Variants in CERS3 observed in about 807,000 individuals in gnomAD.
CERS3 encodes LAG1 homolog, ceramide synthase 3.
Under a neutral mutation model 50.3 loss-of-function variants are expected in CERS3, and 33 were observed. The observed-to-expected ratio is 0.66, with a 90% confidence interval of 0.50 to 0.88. The LOEUF (loss-of-function observed/expected upper bound fraction) is 0.88, where lower values mean the gene tolerates loss of function less well. CERS3 is among the 40% of genes least tolerant of loss of function. The pLI, the probability that CERS3 is intolerant of heterozygous loss-of-function variation, is 0.00. For missense variants in CERS3, 470 were observed against 460.3 expected, an observed-to-expected ratio of 1.02 and a Z score of -0.19; for synonymous variants, 176 against 155.2, an observed-to-expected ratio of 1.13 and a Z score of -0.99.
At chr15:100,471,115 C>G (rs888182047) in intron 9 of CERS3, among the ~76,000 whole-genome samples, 1 of 152,180 alleles carries the variant, frequency 6.6e-6, no homozygotes, top group Non-Finnish European at 1.5e-5. Flanking sequence ...CTCATCGAAC[C>G]TCACATCAGA....
intron 3 of CERS3, among the ~76,000 whole-genome samples, chr15:100,495,966 A>C (rs964848326): frequency 5.3e-5 from 8 of 152,032 alleles, no homozygotes; most frequent in Non-Finnish European, 8.8e-5. Flanking sequence ...CCACTCATCT[A>C]TTTTCTGTTT....
chr15:100,451,953 G>T (rs1395054534), intron 11 of CERS3, among the ~76,000 whole-genome samples: 3 of 152,130 alleles, frequency 2.0e-5, no homozygotes, highest in Non-Finnish European at 4.4e-5. Flanking sequence ...TATATGTGTA[G>T]CCAACAATAG....
At chr15:100,507,777 A>G (rs1254578489) in intron 2 of CERS3, among the ~76,000 whole-genome samples, 2 of 152,240 alleles carry the variant, frequency 1.3e-5, no homozygotes, top group African/African-American at 2.4e-5. Flanking sequence ...TTGGGATTGA[A>G]TCTGGAGCAG....
intron 11 of CERS3, among the ~76,000 whole-genome samples, chr15:100,442,931 G>C (rs973038007): frequency 0.016 from 2,285 of 141,078 alleles, no homozygotes; most frequent in African/African-American, 0.068. Context: ...CATAACTGTT[G>C]TGGGTATTGA....
intron 3 of CERS3, among the ~76,000 whole-genome samples, chr15:100,493,073 A>C (rs80192688): frequency 1.4e-4 from 21 of 152,310 alleles, no homozygotes; most frequent in Non-Finnish European, 2.8e-4. Flanking sequence ...ATTGCCTTTT[A>C]AATCAGATAG....
chr15:100,429,599 T>C (rs2033009183), intron 11 of CERS3, among the ~76,000 whole-genome samples: 1 of 152,172 alleles, frequency 6.6e-6, no homozygotes, highest in Non-Finnish European at 1.5e-5. Flanking sequence ...TCTACCCCTT[T>C]GTACCAGGCA....
chr15:100,523,287 GTCTCC>G (rs1346759122), intron 1 of CERS3, among the ~76,000 whole-genome samples: 1 of 152,160 alleles, frequency 6.6e-6, no homozygotes, highest in East Asian at 1.9e-4. Context: ...CATGGCAAAT[GTCTCC>G]TCTCCTGCAG....
intron 11 of CERS3, among the ~76,000 whole-genome samples, chr15:100,407,689 T>C (rs1445815144): frequency 6.6e-6 from 1 of 152,192 alleles, no homozygotes; most frequent in African/African-American, 2.4e-5. Flanking sequence ...AATGGTTGTA[T>C]CAGTACTGGA....
intron 3 of CERS3, 77 bp downstream of exon 3, chr15:100,501,600 A>C (rs1180043339): frequency 3.1e-6 from 4 of 1,270,602 alleles, no homozygotes; most frequent in Non-Finnish European, 4.5e-6. Context: ...TAAGGATCTC[A>C]CTAAGCCTAA....
chr15:100,406,817 C>A (rs146617428), intron 11 of CERS3, among the ~76,000 whole-genome samples: 1 of 152,108 alleles, frequency 6.6e-6, no homozygotes, highest in Admixed American at 6.5e-5. Flanking sequence ...AAGACATACC[C>A]GAGACTGGGA....
At chr15:100,446,922 C>T (rs1023315417) in intron 11 of CERS3, among the ~76,000 whole-genome samples, 2 of 152,162 alleles carry the variant, frequency 1.3e-5, no homozygotes, top group African/African-American at 2.4e-5. Context: ...TTAAGACTGA[C>T]TTTTGTAGCA....
Position 100,501,740 on chromosome 15 carries a change from G to C in CERS3, c.110C>G (p.Ser37Cys). The change falls in exon 3 of 12, where the codon TCT (serine) becomes TGT (cysteine). Residue 37 changes from serine (S) to cysteine (C), a missense_variant. Coordinates refer to ENST00000679737, the MANE Select transcript of CERS3 (RefSeq NM_001378789.1). Reference protein sequence around the residue: ...DHDGLVFVKPSHLYVTIPYAF... With the variant: ...DHDGLVFVKPCHLYVTIPYAF... ...ATATGGAATTGTCACGTATAAATGAGAAGGTTTTACAAAGACGAGTCCATC... is the reference window on the plus strand; with the variant it reads ...ATATGGAATTGTCACGTATAAATGACAAGGTTTTACAAAGACGAGTCCATC... The C allele has an allele frequency of 6.2e-7, 1 of 1,614,064 alleles. No individual in the cohort carries two copies. The highest frequency in any genetic ancestry group is 8.5e-7 in the Non-Finnish European group (1 of 1,179,912).
At chr15:100,448,364 C>T (rs1001529619) in intron 11 of CERS3, among the ~76,000 whole-genome samples, 7 of 152,174 alleles carry the variant, frequency 4.6e-5, no homozygotes, top group Admixed American at 4.6e-4. Context: ...AGACCGTCTG[C>T]TCAGCTAAGA....
chr15:100,526,478 CTGTGTG>C (rs1217852084), intron 1 of CERS3, among the ~76,000 whole-genome samples: 22 of 131,554 alleles, frequency 1.7e-4, no homozygotes, highest in African/African-American at 2.3e-4. Context: ...CCTACATAAA[CTGTGTG>C]TGTGTGTGTG....
intron 10 of CERS3, among the ~76,000 whole-genome samples, chr15:100,463,250 C>G (rs1448702778): frequency 6.6e-6 from 1 of 151,872 alleles, no homozygotes; most frequent in African/African-American, 2.4e-5. Context: ...TCCTGGCCAA[C>G]ATGGTGAAAC....
At chr15:100,403,352 G>GA (rs2030708038) in intron 11 of CERS3, among the ~76,000 whole-genome samples, 1 of 151,666 alleles carries the variant, frequency 6.6e-6, no homozygotes, top group South Asian at 2.1e-4. Context: ...TAAGAATCTA[G>GA]AAAAAAAGAA....
At chr15:100,529,722 A>C (rs1382696763), upstream of CERS3, among the ~76,000 whole-genome samples, 3 of 152,178 alleles carry the variant, frequency 2.0e-5, no homozygotes, top group Non-Finnish European at 4.4e-5. Flanking sequence ...CTGGGCTTGG[A>C]TTATTTAAAG....
intron 10 of CERS3, among the ~76,000 whole-genome samples, chr15:100,461,631 C>A (rs1489049039): frequency 2.0e-5 from 3 of 152,198 alleles, no homozygotes; most frequent in Non-Finnish European, 2.9e-5. Context: ...TACTTTCCCA[C>A]AACTAGCCCT....
At chr15:100,480,608 G>A (rs974988176) in intron 5 of CERS3, among the ~76,000 whole-genome samples, 3 of 152,222 alleles carry the variant, frequency 2.0e-5, no homozygotes, top group African/African-American at 4.8e-5. Flanking sequence ...GTAACAAATG[G>A]ATCTTATTTA....
Sources: gnomAD v4.1 joint callset for allele counts (sites outside exome capture counted in the v4.1 genomes callset) on GRCh38, gnomAD v4.1.1 for gene constraint, MANE v1.5 for transcripts, NCBI Gene and HGNC (gene_info 2026-07-23, HGNC 2026-07-21) for gene names.